GLIPR1: variants seen among roughly 807,000 people sequenced by gnomAD.
GLIPR1 encodes GLI pathogenesis related 1.
A neutral mutation model predicts 30.3 loss-of-function variants in GLIPR1; 38 were observed. The ratio of observed to expected loss-of-function variants is 1.26; its 90% CI spans 0.97 to 1.65. GLIPR1 has a LOEUF of 1.65. Among genes scored for constraint, GLIPR1 ranks in the 40% most tolerant of loss-of-function variants. The pLI is 0.00. For synonymous variants in GLIPR1, 122 were observed against 110.6 expected (o/e 1.10, Z -0.65); for missense variants, 285 against 326.5 (o/e 0.87, Z 0.98).
At chr12:75,481,552 G>T in intron 1 of GLIPR1, 1 of 406,880 alleles carries the variant, frequency 2.5e-6, no homozygotes, top group South Asian at 2.9e-5. Context: ...GGGCTGTTGT[G>T]GTTATGGAAT....
chr12:75,480,800 C>A lies in GLIPR1; in HGVS notation c.-81C>A. 9.2e-7 allele frequency: 1 copy of A among 1,083,296 alleles called. No individual in the cohort carries two copies. Among genetic ancestry groups the A allele is most frequent in the Non-Finnish European group, 1.4e-6 (1 of 739,426 alleles). 67.1% of individuals were successfully genotyped at this position (1,083,296 alleles called of 1,614,324 possible). ...TCGGCTAGGTTTGCAAAGCTGTGGG[C>A]TGAGCACTCAGGCAATCACACTCTC... On this transcript the variant is annotated 5_prime_UTR_variant, in exon 1 of 6. The change creates a new upstream start codon in the 5' untranslated region. Coordinates refer to ENST00000266659, the MANE Select transcript of GLIPR1 (RefSeq NM_006851.3).
Position 75,501,820 on chromosome 12 carries a change from C to A in GLIPR1, c.*2842C>A. 2 of 1,593,772 alleles carry A rather than the reference C, an allele frequency of 1.3e-6. No individual in the cohort carries two copies. The highest frequency in any genetic ancestry group is 1.7e-6 in the Non-Finnish European group (2 of 1,169,634). Reference sequence around the variant, plus strand: ...TGATGGCTTCTGCTTGTTTAGCCTACATTAATAAATAAAAAATATATCAGT... The same window carrying A: ...TGATGGCTTCTGCTTGTTTAGCCTAAATTAATAAATAAAAAATATATCAGT... On this transcript the variant is annotated 3_prime_UTR_variant, in exon 6 of 6. Coordinates refer to ENST00000266659, the MANE Select transcript of GLIPR1 (RefSeq NM_006851.3).
chr12:75,499,712 G>T lies in GLIPR1; in HGVS notation c.*734G>T, dbSNP rs937073853. Reference sequence around the variant, plus strand: ...ACCACCACCACCAAAAAAAAAAAAAGCCCTCAGAAAATTTCTCACAAATAA... The same window carrying T: ...ACCACCACCACCAAAAAAAAAAAAATCCCTCAGAAAATTTCTCACAAATAA... On this transcript the variant is annotated 3_prime_UTR_variant, in exon 6 of 6. Transcript: ENST00000266659. The T allele has an allele frequency of 5.8e-6, 4 of 686,984 alleles. No homozygotes were observed. The highest frequency in any genetic ancestry group is 3.3e-5 in the East Asian group (1 of 30,492). The allele number at this position is 686,984 out of a possible 1,614,324, so 42.6% of individuals were successfully genotyped here.
In GLIPR1 at chr12:75,501,692, A is replaced by G. The variant is rs1594066619; in HGVS notation, c.*2714A>G. 1 of 1,401,836 alleles carries G rather than the reference A, an allele frequency of 7.1e-7. No individual in the cohort carries two copies. Among genetic ancestry groups the G allele is most frequent in the African/African-American group, 1.4e-5 (1 of 69,644 alleles). 86.8% of individuals were successfully genotyped at this position (1,401,836 alleles called of 1,614,324 possible). A position where few individuals can be genotyped will look rare whatever the true frequency, so the allele number is the denominator to read the frequency against. ...ATTATGGGTTTACTTTTCCTAATTA[A>G]TAAAGACTTTTACATCATAGAAAGC... On this transcript the variant is annotated 3_prime_UTR_variant, in exon 6 of 6. Transcript: ENST00000266659.
Position 75,481,031 on chromosome 12 carries a change from A to G in GLIPR1, c.151A>G (p.Thr51Ala). The change falls in exon 1 of 6, where the codon ACA becomes GCA. Residue 51 changes from threonine to alanine, a missense_variant. Thr to Ala is a moderately conservative substitution (Grantham distance 58). Coordinates refer to ENST00000266659, the MANE Select transcript of GLIPR1 (RefSeq NM_006851.3). ...HNKFRSEVKP[T>A]ASDMLYMTWD... Reference sequence around the variant, plus strand: ...CAAGTTCCGATCAGAGGTGAAACCAACAGCCAGTGATATGCTATACATGGT... The same window carrying G: ...CAAGTTCCGATCAGAGGTGAAACCAGCAGCCAGTGATATGCTATACATGGT... 6.2e-7 allele frequency: 1 copy of G among 1,613,212 alleles called. No individual in the cohort carries two copies. The highest frequency in any genetic ancestry group is 8.5e-7 in the Non-Finnish European group (1 of 1,179,544).
At chr12:75,484,121 TA>T (rs1219042164) in intron 2 of GLIPR1, 7 of 152,168 alleles carry the variant, frequency 4.6e-5, no homozygotes, top group Admixed American at 6.5e-5. Flanking sequence ...ATTCATTTTC[TA>T]AAACCCAGTC....
intron 3 of GLIPR1, chr12:75,491,985 T>A (rs10785192): frequency 0.9 from 136,800 of 152,158 alleles, 61,665 homozygotes; most frequent in East Asian, 1. Context: ...AGCGTCATTC[T>A]GAAGATGACA....
chr12:75,501,920 T>C lies in GLIPR1; in HGVS notation c.*2942T>C. On this transcript the variant is annotated 3_prime_UTR_variant, in exon 6 of 6. Transcript: ENST00000266659. ...CATGTGAGCCAGACATAAAGTGCCG[T>C]ACCTTTATTGCTTCCATTTTCTGCC... 1.2e-6 allele frequency: 2 copies of C among 1,607,764 alleles called. No homozygotes were observed. The highest frequency in any genetic ancestry group is 1.7e-6 in the Non-Finnish European group (2 of 1,178,106).
In GLIPR1 at chr12:75,502,141, CAG is replaced by C; in HGVS notation, c.*3166_*3167del. On this transcript the variant is annotated 3_prime_UTR_variant, in exon 6 of 6. Transcript: ENST00000266659. ...AAAAATGGTAGTGACATAAAGGAAA[CAG>C]AGTCTAAGCTGAGGGGAATACATAC... 3.3e-5 allele frequency: 23 copies of C among 691,380 alleles called. No homozygotes were observed. In the South Asian group the frequency reaches 3.9e-4, roughly 12 times the overall value. 42.8% of individuals were successfully genotyped at this position (691,380 alleles called of 1,614,324 possible).
At chr12:75,498,584 A>G in intron 4 of GLIPR1, 110 bp from the exon 5 acceptor site, 2 of 816,460 alleles carry the variant, frequency 2.4e-6, no homozygotes, top group Non-Finnish European at 4.0e-6. Flanking sequence ...CACTGCAATA[A>G]AGCCAAAGCA....
chr12:75,483,913 C>T (rs1160485012), intron 2 of GLIPR1: 1 of 152,130 alleles, frequency 6.6e-6, no homozygotes, highest in Non-Finnish European at 1.5e-5. Context: ...CAACAGACTC[C>T]TAAACCATGC....
In GLIPR1 at chr12:75,502,735, A is replaced by G. The variant is rs1193587527; in HGVS notation, c.*3757A>G. Reference sequence around the variant, plus strand: ...ACATAATGAATTAAGTGTTAAGAACAAGTCAATCGAGACATCACTGTTTCA... The same window carrying G: ...ACATAATGAATTAAGTGTTAAGAACGAGTCAATCGAGACATCACTGTTTCA... On this transcript the variant is annotated 3_prime_UTR_variant, in exon 6 of 6. Transcript: ENST00000266659. 6.6e-6 allele frequency: 1 copy of G among 152,076 alleles called. No individual in the cohort carries two copies. Among genetic ancestry groups the G allele is most frequent in the Non-Finnish European group, 1.5e-5 (1 of 67,960 alleles). The allele number at this position is 152,076 out of a possible 1,614,324, so 9.4% of individuals were successfully genotyped here.
chr12:75,501,767 G>A lies in GLIPR1; in HGVS notation c.*2789G>A, dbSNP rs1245540882. Reference sequence around the variant, plus strand: ...TGGTTTTTCCTTAGGTGGAATAAATGCTTTGTTTCTTTCCTCTTGTCTCTT... The same window carrying A: ...TGGTTTTTCCTTAGGTGGAATAAATACTTTGTTTCTTTCCTCTTGTCTCTT... On this transcript the variant is annotated 3_prime_UTR_variant, in exon 6 of 6. Coordinates refer to ENST00000266659, the MANE Select transcript of GLIPR1 (RefSeq NM_006851.3). 6.2e-7 allele frequency: 1 copy of A among 1,610,892 alleles called. No homozygotes were observed. Among genetic ancestry groups the A allele is most frequent in the African/African-American group, 1.3e-5 (1 of 74,890 alleles).
intron 1 of GLIPR1, 26 bp downstream of exon 1, chr12:75,481,080 C>CGTCA (rs769452154): frequency 1.3e-6 from 2 of 1,567,140 alleles, no homozygotes; most frequent in African/African-American, 2.7e-5. Flanking sequence ...TTAATTGTGG[C>CGTCA]GTCAGTCAGT....
intron 2 of GLIPR1, among the ~76,000 whole-genome samples, chr12:75,487,431 C>T (rs1378855430): frequency 6.6e-6 from 1 of 152,250 alleles, no homozygotes; most frequent in East Asian, 1.9e-4. Flanking sequence ...TAAAACTGGG[C>T]TTTCGCAGTG....
chr12:75,482,829 G>C (rs11180544), intron 2 of GLIPR1, among the ~76,000 whole-genome samples: 1 of 151,758 alleles, frequency 6.6e-6, no homozygotes, highest in African/African-American at 2.4e-5. Context: ...ATTGTCTTCA[G>C]ACGCTGCCTT....
At chr12:75,487,124 TG>T (rs2046297128) in intron 2 of GLIPR1, among the ~76,000 whole-genome samples, 1 of 152,142 alleles carries the variant, frequency 6.6e-6, no homozygotes, top group African/African-American at 2.4e-5. Context: ...AAGAAAGTGC[TG>T]GAAGACCAAA....
rs531349272 is a variant in GLIPR1 at position 75,500,556 on chromosome 12, A to T, written c.*1578A>T. 6.6e-6 allele frequency: 1 copy of T among 152,192 alleles called. No homozygotes were observed. Among genetic ancestry groups the T allele is most frequent in the East Asian group, 1.9e-4 (1 of 5,188 alleles). The allele number at this position is 152,192 out of a possible 1,614,324, so 9.4% of individuals were successfully genotyped here. A position where few individuals can be genotyped will look rare whatever the true frequency, so the allele number is the denominator to read the frequency against. On this transcript the variant is annotated 3_prime_UTR_variant, in exon 6 of 6. Transcript: ENST00000266659. ...ATTCAATGAATGACTAATTAATAGTATTTTAACAAGATTTTGGTATATTTA... is the reference window on the plus strand; with the variant it reads ...ATTCAATGAATGACTAATTAATAGTTTTTTAACAAGATTTTGGTATATTTA...
Sources: allele counts gnomAD v4.1 joint callset (sites outside exome capture counted in the v4.1 genomes callset), GRCh38; gene constraint gnomAD v4.1.1; transcripts MANE v1.5; gene names NCBI Gene and HGNC (gene_info 2026-07-23, HGNC 2026-07-21).